The following MAD1L1 variants were observed in gnomAD, a reference collection of about 807,000 sequenced individuals.
The protein encoded by MAD1L1 is mitotic spindle assembly checkpoint protein MAD1.
A neutral mutation model predicts 96.9 loss-of-function variants in MAD1L1; 95 were observed. That is an observed-to-expected ratio of 0.98 (90% confidence interval 0.83 to 1.16). The LOEUF (loss-of-function observed/expected upper bound fraction) is 1.16. Among genes scored for constraint, MAD1L1 ranks in the 50% most tolerant of loss-of-function variants. MAD1L1 has a pLI of 0.00. For missense variants in MAD1L1, 1,007 were observed against 954.4 expected (o/e 1.06, Z -0.73); for synonymous variants, 473 against 396.6 (o/e 1.19, Z -2.29).
chr7:1,847,978 CCT>C, intron 18 of MAD1L1: 1 of 350,560 alleles, frequency 2.9e-6, no homozygotes, highest in Non-Finnish European at 5.7e-6. Flanking sequence ...AGTCTCAGCC[CCT>C]GACCACACTG....
intron 15 of MAD1L1, among the ~76,000 whole-genome samples, chr7:1,978,851 G>A (rs770668748): frequency 1.3e-5 from 2 of 152,128 alleles, no homozygotes; most frequent in Non-Finnish European, 2.9e-5. Context: ...CCCTAAGGAC[G>A]CCACGGCACA....
chr7:1,929,074 G>A (rs986564360), intron 17 of MAD1L1, among the ~76,000 whole-genome samples: 1 of 152,064 alleles, frequency 6.6e-6, no homozygotes, highest in Admixed American at 6.6e-5. Flanking sequence ...GCCTCCCCTC[G>A]AGGGCACCCT....
chr7:2,107,128 G>A (rs1034514040), intron 11 of MAD1L1, among the ~76,000 whole-genome samples: 13 of 152,244 alleles, frequency 8.5e-5, no homozygotes, highest in East Asian at 1.9e-4. Context: ...ACCGGGAGGC[G>A]TGGAAGGAGG....
intron 5 of MAD1L1, among the ~76,000 whole-genome samples, chr7:2,219,880 G>A (rs1370434085): frequency 6.6e-6 from 1 of 152,172 alleles, no homozygotes; most frequent in African/African-American, 2.4e-5. Flanking sequence ...CTGGAAAGGA[G>A]GCTTGGTGAG....
chr7:2,176,791 A>G (rs1790969431), intron 10 of MAD1L1, among the ~76,000 whole-genome samples: 1 of 152,234 alleles, frequency 6.6e-6, no homozygotes, highest in Non-Finnish European at 1.5e-5. Flanking sequence ...CTATACAATA[A>G]CAGCAAATAT....
At chr7:1,964,802 A>G (rs540762574) in intron 15 of MAD1L1, among the ~76,000 whole-genome samples, 1 of 152,346 alleles carries the variant, frequency 6.6e-6, no homozygotes, top group African/African-American at 2.4e-5. Flanking sequence ...AAACTTTTGC[A>G]AGAAAAATGA....
At chr7:2,126,675 G>C (rs779338405) in intron 11 of MAD1L1, among the ~76,000 whole-genome samples, 3 of 152,168 alleles carry the variant, frequency 2.0e-5, no homozygotes, top group Non-Finnish European at 4.4e-5. Context: ...TCTGGGGACC[G>C]GCCTCTTCTG....
chr7:1,916,775 C>T (rs1056684387), intron 17 of MAD1L1, among the ~76,000 whole-genome samples: 3 of 152,152 alleles, frequency 2.0e-5, no homozygotes, highest in Non-Finnish European at 2.9e-5. Context: ...CCCGATCCCA[C>T]GGTGGGGGCC....
intron 14 of MAD1L1, among the ~76,000 whole-genome samples, chr7:1,982,090 A>C (rs1226712875): frequency 6.6e-6 from 1 of 152,164 alleles, no homozygotes; most frequent in African/African-American, 2.4e-5. Context: ...GCATGCCAGC[A>C]ACATGTCTAT....
intron 14 of MAD1L1, 58 bp downstream of exon 14, chr7:2,002,007 C>A: frequency 6.3e-7 from 1 of 1,586,872 alleles, no homozygotes; most frequent in African/African-American, 1.3e-5. Flanking sequence ...ACAGGCGTCC[C>A]TGCCCAGACC....
chr7:2,066,218 C>T (rs555128372), intron 12 of MAD1L1, among the ~76,000 whole-genome samples: 2 of 152,366 alleles, frequency 1.3e-5, no homozygotes, highest in Admixed American at 6.5e-5. Flanking sequence ...GCCGGAGGCT[C>T]GCAGCCCTCC....
chr7:2,036,357 A>G (rs71525354), intron 12 of MAD1L1, among the ~76,000 whole-genome samples: 89 of 145,386 alleles, frequency 6.1e-4, no homozygotes, highest in South Asian at 1.6e-3. Context: ...GCATGAGCGC[A>G]GGAGCGCTGA....
At chr7:2,058,810 T>C (rs879097150) in intron 12 of MAD1L1, among the ~76,000 whole-genome samples, 1,576 of 52,886 alleles carry the variant, frequency 0.03, 52 homozygotes, top group Admixed American at 0.064. Flanking sequence ...GGGGCTGGAG[T>C]GGGAGTGTGG....
chr7:1,982,026 G>C (rs1780929740), intron 14 of MAD1L1, among the ~76,000 whole-genome samples: 1 of 152,084 alleles, frequency 6.6e-6, no homozygotes, highest in Non-Finnish European at 1.5e-5. Context: ...CCGACTCTCA[G>C]CCAGCCAACG....
intron 17 of MAD1L1, among the ~76,000 whole-genome samples, chr7:1,914,036 C>T (rs537714375): frequency 1.3e-4 from 20 of 152,244 alleles, no homozygotes; most frequent in African/African-American, 4.3e-4. Context: ...CCCAGCACGC[C>T]TGTCCACCTC....
intron 14 of MAD1L1, among the ~76,000 whole-genome samples, chr7:1,998,873 C>T (rs1781672348): frequency 6.6e-6 from 1 of 151,622 alleles, no homozygotes; most frequent in Admixed American, 6.6e-5. Context: ...CCCCACAGTC[C>T]ACAGAGTCCC....
chr7:1,936,247 C>T (rs751185970), intron 17 of MAD1L1, among the ~76,000 whole-genome samples: 3 of 152,358 alleles, frequency 2.0e-5, no homozygotes, highest in Non-Finnish European at 2.9e-5. Context: ...GCCCTGCTGG[C>T]CCTCATGGAG....
chr7:2,020,866 G>C (rs1045114612), intron 12 of MAD1L1, among the ~76,000 whole-genome samples: 3 of 151,620 alleles, frequency 2.0e-5, no homozygotes, highest in Admixed American at 1.3e-4. Context: ...TTAATTTAAT[G>C]GTTAGAGTAG....
chr7:2,218,210 C>T (rs959861605), intron 6 of MAD1L1, among the ~76,000 whole-genome samples, 167 bp from the exon 7 acceptor site: 1 of 152,140 alleles, frequency 6.6e-6, no homozygotes, highest in Non-Finnish European at 1.5e-5. Context: ...ACACACACTC[C>T]ACTGCATGGG....
Sources: gnomAD v4.1 joint callset for allele counts (sites outside exome capture counted in the v4.1 genomes callset) on GRCh38, gnomAD v4.1.1 for gene constraint, MANE v1.5 for transcripts, NCBI Gene and HGNC (gene_info 2026-07-23, HGNC 2026-07-21) for gene names.